The following LOXHD1 variants were observed in gnomAD, a reference collection of about 807,000 sequenced individuals.
The protein encoded by LOXHD1 is lipoxygenase homology PLAT domains 1.
A neutral mutation model predicts 248.2 loss-of-function variants in LOXHD1; 205 were observed. That is an observed-to-expected ratio of 0.83 (90% CI 0.74 to 0.93). The LOEUF is 0.93. LOXHD1 is among the 40% of genes least tolerant of loss of function. LOXHD1 has a pLI of 0.00. For synonymous variants in LOXHD1, 1,113 were observed against 1,162.8 expected (o/e 0.96, Z 0.87); for missense variants, 2,930 against 2,971.6 (o/e 0.99, Z 0.33).
chr18:46,512,230 C>T (rs1403470825), intron 34 of LOXHD1, among the ~76,000 whole-genome samples: 2 of 152,180 alleles, frequency 1.3e-5, no homozygotes, highest in East Asian at 1.9e-4. Context: ...AAACTGAAGA[C>T]TGGCCTTTAG....
At chr18:46,607,930 T>C (rs2144303873) in intron 6 of LOXHD1, among the ~76,000 whole-genome samples, 1 of 152,022 alleles carries the variant, frequency 6.6e-6, no homozygotes, top group South Asian at 2.1e-4. Flanking sequence ...TTCTGACCTA[T>C]AAATAAATTA....
chr18:46,482,767 G>A (rs1464103587), intron 40 of LOXHD1, among the ~76,000 whole-genome samples: 2 of 152,218 alleles, frequency 1.3e-5, no homozygotes, highest in East Asian at 1.9e-4. Context: ...CTTGTGCAGG[G>A]AAGGCTCTAG....
intron 7 of LOXHD1, 180 bp from the exon 8 acceptor site, chr18:46,601,647 T>A: frequency 1.3e-6 from 1 of 767,596 alleles, no homozygotes; most frequent in Non-Finnish European, 2.1e-6. Context: ...TCATTTCATC[T>A]TTTCCAGAGT....
intron 40 of LOXHD1, 65 bp downstream of exon 40, chr18:46,483,522 T>TCCAGCTCAGTCCCTGCC: frequency 6.5e-7 from 1 of 1,536,588 alleles, no homozygotes; most frequent in Non-Finnish European, 8.8e-7. Flanking sequence ...TTGCCCATGG[T>TCCAGCTCAGTCCCTGCC]CCAGCTCAGT....
At chr18:46,512,345 G>A (rs2035014626) in intron 34 of LOXHD1, among the ~76,000 whole-genome samples, 1 of 151,746 alleles carries the variant, frequency 6.6e-6, no homozygotes, top group Non-Finnish European at 1.5e-5. Context: ...ATGCAATGAG[G>A]GCCATTTCCC....
At chr18:46,496,007 G>T (rs2033840794) in intron 37 of LOXHD1, among the ~76,000 whole-genome samples, 1 of 152,164 alleles carries the variant, frequency 6.6e-6, no homozygotes, top group Admixed American at 6.5e-5. Context: ...ACTCCAGCCT[G>T]GGTGACAGAG....
intron 9 of LOXHD1, 67 bp downstream of exon 9, chr18:46,594,264 G>A: frequency 6.5e-7 from 1 of 1,541,104 alleles, no homozygotes; most frequent in Non-Finnish European, 8.8e-7. Context: ...TTGCCTAGTG[G>A]TCTGACATTC....
At chr18:46,593,528 C>T in intron 10 of LOXHD1, 72 bp downstream of exon 10, 1 of 1,507,608 alleles carries the variant, frequency 6.6e-7, no homozygotes, top group Non-Finnish European at 9.0e-7. Context: ...CTTAGAGAAC[C>T]AGAATCCCCA....
chr18:46,552,444 AC>A (rs1394620354), intron 21 of LOXHD1, among the ~76,000 whole-genome samples: 1 of 151,748 alleles, frequency 6.6e-6, no homozygotes, highest in Non-Finnish European at 1.5e-5. Flanking sequence ...TGCACCCCCA[AC>A]CCCCTCCTCC....
At position 46,610,795 on chromosome 18, in the gene LOXHD1, G is replaced by C. The variant is rs529247226; in HGVS notation, c.740C>G (p.Ala247Gly). The change falls in exon 6 of 41, where the codon GCA becomes GGA. Residue 247 changes from alanine to glycine, a missense_variant. Ala to Gly is a moderately conservative substitution (Grantham distance 60). Coordinates refer to ENST00000642948, the MANE Select transcript of LOXHD1 (RefSeq NM_001384474.1). ...NVGHNNKGGS[A>G]GWFLSQIVIE... ...ACTCACCTGGGACAGGAACCAACCT[G>C]CAGAGCCCCCCTTATTGTTGTGGCC... is the stretch of plus-strand genomic sequence containing the variant. 6.4e-7 allele frequency: 1 copy of C among 1,551,544 alleles called. No homozygotes were observed.
intron 17 of LOXHD1, among the ~76,000 whole-genome samples, chr18:46,565,557 T>C (rs548237799): frequency 5.7e-4 from 87 of 152,320 alleles, no homozygotes; most frequent in Admixed American, 1.7e-3. Context: ...TAGACCGTCA[T>C]TCCTCAGTAT....
intron 21 of LOXHD1, chr18:46,555,447 TG>T (rs2037284987): frequency 3.0e-5 from 6 of 201,886 alleles, no homozygotes; most frequent in African/African-American, 1.4e-4. Context: ...ATGGGCTGTC[TG>T]TGAGCTGTGG....
At chr18:46,482,761 T>C (rs2032687487) in intron 40 of LOXHD1, among the ~76,000 whole-genome samples, 1 of 152,206 alleles carries the variant, frequency 6.6e-6, no homozygotes, top group African/African-American at 2.4e-5. Flanking sequence ...CCTTTCCTTG[T>C]GCAGGGAAGG....
At chr18:46,505,478 C>T (rs1010491929) in intron 37 of LOXHD1, among the ~76,000 whole-genome samples, 9 of 152,130 alleles carry the variant, frequency 5.9e-5, no homozygotes, top group South Asian at 2.1e-4. Context: ...CCACTGCACC[C>T]GGCACAAACA....
chr18:46,487,750 G>C (rs1001554558), intron 38 of LOXHD1, among the ~76,000 whole-genome samples: 4 of 152,216 alleles, frequency 2.6e-5, no homozygotes, highest in African/African-American at 7.2e-5. Flanking sequence ...CTAAAACAAA[G>C]TTGATACATG....
chr18:46,562,227 T>A (rs1277533384), intron 18 of LOXHD1, among the ~76,000 whole-genome samples: 3 of 152,248 alleles, frequency 2.0e-5, no homozygotes, highest in African/African-American at 7.2e-5. Flanking sequence ...CAGACACTTA[T>A]GACTCTGGCC....
intron 12 of LOXHD1, 110 bp downstream of exon 12, chr18:46,591,823 G>A (rs895725678): frequency 1.5e-6 from 2 of 1,362,008 alleles, no homozygotes; most frequent in Non-Finnish European, 2.0e-6. Context: ...GCACTCTAAG[G>A]GGCCTGAAGA....
At chr18:46,607,675 T>C (rs1263337539) in intron 6 of LOXHD1, among the ~76,000 whole-genome samples, 1 of 152,034 alleles carries the variant, frequency 6.6e-6, no homozygotes, top group Non-Finnish European at 1.5e-5. Flanking sequence ...CATTCAGAAT[T>C]GAAATATACA....
At chr18:46,496,392 A>C (rs983105893) in intron 37 of LOXHD1, among the ~76,000 whole-genome samples, 2 of 152,238 alleles carry the variant, frequency 1.3e-5, no homozygotes, top group African/African-American at 4.8e-5. Flanking sequence ...AAGTTAACTA[A>C]GCATTTGTCA....
Sources: allele counts gnomAD v4.1 joint callset (sites outside exome capture counted in the v4.1 genomes callset), GRCh38; gene constraint gnomAD v4.1.1; transcripts MANE v1.5; gene names NCBI Gene and HGNC (gene_info 2026-07-23, HGNC 2026-07-21).